Variants in BCKDHB observed in about 807,000 individuals in gnomAD.
The protein encoded by BCKDHB is 2-oxoisovalerate dehydrogenase subunit beta, mitochondrial.
BCKDHB carries 41 observed loss-of-function variants against 48.5 expected under a neutral mutation model. The ratio of observed to expected loss-of-function variants is 0.85; its 90% CI spans 0.66 to 1.10. The LOEUF (loss-of-function observed/expected upper bound fraction) is 1.10, where lower values mean the gene tolerates loss of function less well. BCKDHB is among the 50% of genes least tolerant of loss of function. The pLI, the probability that BCKDHB is intolerant of heterozygous loss-of-function variation, is 0.00. For missense variants in BCKDHB, 496 were observed against 494.2 expected (o/e 1.00, Z -0.03); for synonymous variants, 201 against 174.8 (o/e 1.15, Z -1.18).
the BCKDHB span, among the ~76,000 whole-genome samples, chr6:80,450,727 A>G: frequency 6.6e-6 from 1 of 152,216 alleles, no homozygotes; most frequent in African/African-American, 2.4e-5. Context: ...GCTTTTAGGA[A>G]CGGTGTTTAA....
intron 9 of BCKDHB, chr6:80,307,875 A>G (rs1442138116): frequency 4.1e-6 from 4 of 972,580 alleles, no homozygotes; most frequent in Non-Finnish European, 4.9e-6. Context: ...TGCAACTTCA[A>G]ATAATTAAAT....
chr6:80,162,397 T>C (rs534871803), intron 3 of BCKDHB, among the ~76,000 whole-genome samples: 38 of 152,294 alleles, frequency 2.5e-4, no homozygotes, highest in African/African-American at 8.4e-4. Context: ...TATCAACCCC[T>C]CCACAGTAGA....
intron 8 of BCKDHB, among the ~76,000 whole-genome samples, chr6:80,227,732 T>G (rs1182635798): frequency 1.3e-5 from 2 of 152,188 alleles, no homozygotes; most frequent in Non-Finnish European, 2.9e-5. Context: ...TGTTTATGAA[T>G]CTGAAAGTGT....
the BCKDHB span, among the ~76,000 whole-genome samples, chr6:80,444,080 T>A: frequency 2.0e-5 from 3 of 152,014 alleles, no homozygotes; most frequent in African/African-American, 7.2e-5. Context: ...AATTACAAAA[T>A]CTTTAAAAGC....
intron 8 of BCKDHB, among the ~76,000 whole-genome samples, chr6:80,247,485 A>G (rs1383184452): frequency 6.6e-6 from 1 of 152,246 alleles, no homozygotes; most frequent in Admixed American, 6.5e-5. Context: ...TTTTTCAAAG[A>G]TATGTTACAG....
chr6:80,238,484 A>G lies in BCKDHB; in HGVS notation c.952-34651A>G, dbSNP rs1337324712. Among the ~76,000 whole-genome samples, 4 of 152,106 alleles carry G rather than the reference A, an allele frequency of 2.6e-5. No homozygotes were observed. In the East Asian group the frequency reaches 7.7e-4, roughly 29 times the overall value. On this transcript the variant is annotated intron_variant, in intron 8 of 9. Transcript: ENST00000320393. Reference sequence around the variant, plus strand: ...ATAGAGTTCAGTTGAGCAAATAACAACTCGTGAATCTGGCAGCCTCGGAAA... The same window carrying G: ...ATAGAGTTCAGTTGAGCAAATAACAGCTCGTGAATCTGGCAGCCTCGGAAA...
At chr6:80,203,340 A>G in intron 8 of BCKDHB, 128 bp downstream of exon 8, 1 of 716,880 alleles carries the variant, frequency 1.4e-6, no homozygotes, top group Non-Finnish European at 2.5e-6. Flanking sequence ...AAACTTTTAA[A>G]TTTGCAGCAT....
the BCKDHB span, among the ~76,000 whole-genome samples, chr6:80,373,690 A>G: frequency 6.6e-6 from 1 of 152,100 alleles, no homozygotes; most frequent in South Asian, 2.1e-4. Flanking sequence ...GAGCTTCAGT[A>G]TTGGGTGCAT....
At chr6:80,353,831 C>T in the BCKDHB span, among the ~76,000 whole-genome samples, 5 of 149,264 alleles carry the variant, frequency 3.3e-5, no homozygotes, top group African/African-American at 4.9e-5. Flanking sequence ...CCAGCCTGGG[C>T]GACAAAGTGA....
At chr6:80,339,585 G>A (rs1348449401) in intron 9 of BCKDHB, among the ~76,000 whole-genome samples, 1 of 152,196 alleles carries the variant, frequency 6.6e-6, no homozygotes, top group Non-Finnish European at 1.5e-5. Flanking sequence ...AACAATTGGA[G>A]TTATGCTTAT....
At chr6:80,346,879 C>T (rs1770223940), downstream of BCKDHB, among the ~76,000 whole-genome samples, 3 of 152,030 alleles carry the variant, frequency 2.0e-5, no homozygotes, top group South Asian at 6.2e-4. Flanking sequence ...GACACACCTC[C>T]CCTCCCATAG....
intron 1 of BCKDHB, among the ~76,000 whole-genome samples, chr6:80,111,714 A>G (rs1769419590): frequency 1.3e-5 from 2 of 152,228 alleles, no homozygotes; most frequent in African/African-American, 4.8e-5. Context: ...AAAGCCTTCC[A>G]CTAGAAACTA....
At chr6:80,372,173 G>GT in the BCKDHB span, among the ~76,000 whole-genome samples, 43 of 151,068 alleles carry the variant, frequency 2.8e-4, no homozygotes, top group African/African-American at 5.6e-4. Flanking sequence ...GTGTTTTGTA[G>GT]TTTTTTTTTG....
chr6:80,351,116 A>G (rs977570041), downstream of BCKDHB, among the ~76,000 whole-genome samples: 1 of 152,228 alleles, frequency 6.6e-6, no homozygotes, highest in African/African-American at 2.4e-5. Flanking sequence ...TATTTATTAC[A>G]TCAGACTCAT....
intron 8 of BCKDHB, among the ~76,000 whole-genome samples, chr6:80,254,188 A>AT (rs1278376975): frequency 6.6e-6 from 1 of 151,290 alleles, no homozygotes; most frequent in African/African-American, 2.4e-5. Context: ...TATATTATTA[A>AT]TTTATTTACT....
At chr6:80,418,813 G>T in the BCKDHB span, among the ~76,000 whole-genome samples, 1 of 152,308 alleles carries the variant, frequency 6.6e-6, no homozygotes, top group South Asian at 2.1e-4. Flanking sequence ...GAGTGCTAGT[G>T]GGTGCCGGGG....
At chr6:80,268,292 T>A (rs1288710368) in intron 8 of BCKDHB, among the ~76,000 whole-genome samples, 1 of 152,106 alleles carries the variant, frequency 6.6e-6, no homozygotes, top group Admixed American at 6.6e-5. Context: ...CCTTAATGAT[T>A]CTAAATTGTA....
chr6:80,133,888 C>T (rs933975077), intron 3 of BCKDHB, among the ~76,000 whole-genome samples: 15 of 152,140 alleles, frequency 9.9e-5, no homozygotes, highest in African/African-American at 3.4e-4. Flanking sequence ...GGTGATCTGC[C>T]TCCCTTGGCC....
intron 1 of BCKDHB, among the ~76,000 whole-genome samples, chr6:80,107,532 T>C (rs574483706): frequency 3.9e-4 from 35 of 88,842 alleles, no homozygotes; most frequent in Middle Eastern, 6.6e-3. Context: ...TATATATGCA[T>C]ATATATATAT....
Sources: allele counts gnomAD v4.1 joint callset (sites outside exome capture counted in the v4.1 genomes callset), GRCh38; gene constraint gnomAD v4.1.1; transcripts MANE v1.5; gene names NCBI Gene and HGNC (gene_info 2026-07-23, HGNC 2026-07-21).